CPNE7: variants seen among roughly 807,000 people sequenced by gnomAD.
CPNE7 encodes the protein copine 7.
In CPNE7, 78 loss-of-function variants were observed where a neutral mutation model predicts 66.5. That is an observed-to-expected ratio of 1.17 (90% CI 0.98 to 1.42). CPNE7 has a LOEUF of 1.42. Among genes scored for constraint, CPNE7 ranks in the 40% most tolerant of loss-of-function variants. The pLI, the probability that CPNE7 is intolerant of heterozygous loss-of-function variation, is 0.00. For synonymous variants in CPNE7, 468 were observed against 336.7 expected (o/e 1.39, Z -4.27); for missense variants, 1,012 against 776.6 (o/e 1.30, Z -3.60).
intron 1 of CPNE7, 51 bp downstream of exon 1, chr16:89,576,122 CG>C (rs1271275728): frequency 8.1e-7 from 1 of 1,231,444 alleles, no homozygotes; most frequent in Non-Finnish European, 1.0e-6. Flanking sequence ...GGGCTGGCGC[CG>C]AGCTGGGGAT....
chr16:89,593,985 C>G (rs1489406411), intron 13 of CPNE7: 1 of 152,210 alleles, frequency 6.6e-6, no homozygotes, highest in Non-Finnish European at 1.5e-5. Flanking sequence ...CTGATCACAC[C>G]TAACCACCAC....
At position 89,589,969 on chromosome 16, in the gene CPNE7, C is replaced by T. The variant is rs375895465; in HGVS notation, c.1116+18C>T. The T allele has an allele frequency of 2.3e-4, 363 of 1,613,180 alleles. 1 individual carries two copies. Among genetic ancestry groups the T allele is most frequent in the Non-Finnish European group, 2.9e-4 (341 of 1,179,842 alleles). ...AGTATGAGGTAGGAGAGCCCAGAAC[C>T]TGAGACCTCAGAGCTGTGCCCTTCT... is the stretch of plus-strand genomic sequence containing the variant. On this transcript the variant is annotated intron_variant, in intron 11 of 14. Coordinates refer to ENST00000319518, the MANE Select transcript of CPNE7 (RefSeq NM_153636.3).
At chr16:89,579,988 A>G (rs539654674) in intron 2 of CPNE7, among the ~76,000 whole-genome samples, 1 of 41,958 alleles carries the variant, frequency 2.4e-5, no homozygotes, top group Non-Finnish European at 6.4e-5. Context: ...GGAACATCCC[A>G]TCACACGGAA....
intron 13 of CPNE7, 65 bp downstream of exon 13, chr16:89,591,325 G>A (rs1197910765): frequency 1.4e-6 from 2 of 1,467,866 alleles, no homozygotes; most frequent in African/African-American, 2.8e-5. Context: ...CCAGCGCGTG[G>A]ACGTCAGGGA....
At chr16:89,576,193 T>A in intron 1 of CPNE7, 122 bp downstream of exon 1, 1 of 789,852 alleles carries the variant, frequency 1.3e-6, no homozygotes. Flanking sequence ...CCCCCGGAGC[T>A]GGGGCTCAGC....
intron 2 of CPNE7, chr16:89,579,103 A>G (rs1210588765): frequency 2.9e-6 from 2 of 687,948 alleles, no homozygotes; most frequent in Non-Finnish European, 4.5e-6. Flanking sequence ...AGCCTGGCCA[A>G]CATGATGAAA....
rs749425197 is a variant in CPNE7, at chr16:89,591,024, C to G, written c.1134C>G (p.Ala378=). 4.3e-6 allele frequency: 7 copies of G among 1,613,678 alleles called. No individual in the cohort carries two copies. Among genetic ancestry groups the G allele is most frequent in the Non-Finnish European group, 5.1e-6 (6 of 1,179,880 alleles). ...CCACCCAGGTGTCCCATGACTTTGC[C>G]ATCAATTTCAACCCTGAGGACGATG... ...PPKYEVSHDF[A]INFNPEDDEC... Residue 378 remains alanine, a synonymous_variant, in exon 12 of 15, where the codon GCC becomes GCG. Coordinates refer to ENST00000319518, the MANE Select transcript of CPNE7 (RefSeq NM_153636.3).
At chr16:89,595,631 G>T in intron 14 of CPNE7, 28 bp downstream of exon 14, 1 of 1,570,318 alleles carries the variant, frequency 6.4e-7, no homozygotes, top group Non-Finnish European at 8.7e-7. Context: ...GCTCCGTCAA[G>T]GCCGGCTTGG....
intron 13 of CPNE7, among the ~76,000 whole-genome samples, chr16:89,593,266 AC>A (rs1228109919): frequency 6.6e-6 from 1 of 152,120 alleles, no homozygotes; most frequent in Non-Finnish European, 1.5e-5. Flanking sequence ...CGTGATAAAG[AC>A]TTTGATGCTT....
intron 3 of CPNE7, 25 bp downstream of exon 3, chr16:89,583,796 G>A (rs1292305194): frequency 6.2e-7 from 1 of 1,610,640 alleles, no homozygotes; most frequent in Admixed American, 1.7e-5. Context: ...CACCCCTGCA[G>A]CCTGCAGGCC....
In CPNE7 at chr16:89,575,988, C is replaced by T. The variant is rs1257393966; in HGVS notation, c.91C>T (p.Arg31Trp). ...GAAGGTGGAGCTGCGGCTCAGCTGC[C>T]GGCACCTGCTGGACCGCGACCCGCT... Reference protein sequence around the residue: ...ASKVELRLSCRHLLDRDPLTK... With the variant: ...ASKVELRLSCWHLLDRDPLTK... Residue 31 changes from arginine to tryptophan, a missense_variant, in exon 1 of 15, where the codon CGG becomes TGG. By Grantham distance (101) the Arg-to-Trp change is moderately radical. Coordinates refer to ENST00000319518, the MANE Select transcript of CPNE7 (RefSeq NM_153636.3). The T allele has an allele frequency of 7.3e-7, 1 of 1,378,264 alleles. No homozygotes were observed. Among genetic ancestry groups the T allele is most frequent in the South Asian group, 1.6e-5 (1 of 63,222 alleles). The allele number at this position is 1,378,264 out of a possible 1,614,324, so 85.4% of individuals were successfully genotyped here. A position where few individuals can be genotyped will look rare whatever the true frequency, so the allele number is the denominator to read the frequency against.
chr16:89,581,733 G>A (rs761811980), intron 2 of CPNE7, among the ~76,000 whole-genome samples: 21 of 152,108 alleles, frequency 1.4e-4, no homozygotes, highest in African/African-American at 4.6e-4. Context: ...CAGCCTCAAC[G>A]GCCTGTGCTC....
rs749539380 is a variant in CPNE7, at chr16:89,584,014, C to T, written c.433-14C>T. 5.0e-6 allele frequency: 8 copies of T among 1,611,460 alleles called. No homozygotes were observed. The highest frequency in any genetic ancestry group is 1.7e-5 in the Admixed American group (1 of 59,806). On this transcript the variant is annotated splice_polypyrimidine_tract_variant and intron_variant, in intron 3 of 14. Coordinates refer to ENST00000319518, the MANE Select transcript of CPNE7 (RefSeq NM_153636.3). The surrounding 1 kb of genome is among the most constrained non-coding windows in gnomAD (Gnocchi z 6.0). ...CACCTGGCCAAGCCTGGAGCCCGGG[C>T]GTCCCCCTGCCAGGTGATCGCCGAG...
chr16:89,578,778 AG>A (rs2058900887), intron 2 of CPNE7: 35 of 1,352,000 alleles, frequency 2.6e-5, no homozygotes, highest in South Asian at 1.7e-4. Context: ...AAAAAAAAAA[AG>A]AAGCCTCCTT....
intron 6 of CPNE7, 55 bp from the exon 7 acceptor site, chr16:89,585,631 GT>G (rs2059022969): frequency 1.3e-6 from 2 of 1,550,054 alleles, no homozygotes; most frequent in African/African-American, 2.7e-5. Flanking sequence ...CTGGGCTCGG[GT>G]GGGAGGGTCC....
At position 89,593,553 on chromosome 16, in the gene CPNE7, T is replaced by C. The variant is rs369365345; in HGVS notation, c.1303-1814T>C. ...ATTTTTAGTAGAGACGGGGTTTCAC[T>C]GTGTTAGCCAGGATGGTCTCGATCT... On this transcript the variant is annotated intron_variant, in intron 13 of 14. Coordinates refer to ENST00000319518, the MANE Select transcript of CPNE7 (RefSeq NM_153636.3). Among the ~76,000 whole-genome samples the C allele has an allele frequency of 4.0e-3, 606 of 151,800 alleles. 3 individuals are homozygous for C. Among genetic ancestry groups the C allele is most frequent in the African/African-American group, 0.013 (556 of 41,382 alleles).
In CPNE7 at chr16:89,577,695, G is replaced by A; in HGVS notation, c.331G>A (p.Gly111Arg). 1 of 1,600,080 alleles carries A rather than the reference G, an allele frequency of 6.2e-7. No individual in the cohort carries two copies. Among genetic ancestry groups the A allele is most frequent in the Non-Finnish European group, 8.5e-7 (1 of 1,173,750 alleles). ...GFSCQEDDFLGGMECTLGQIV... is the reference protein window; with the variant it reads ...GFSCQEDDFLRGMECTLGQIV... ...CAGCTGTCAGGAGGACGATTTCCTG[G>A]GGGGCATGGAGTGCACCCTGGGGCA... The change falls in exon 2 of 15, where the codon GGG (glycine) becomes AGG (arginine). Residue 111 changes from glycine (G) to arginine (R), a missense_variant. Gly to Arg is a moderately radical substitution (Grantham distance 125). Transcript: ENST00000319518.
intron 2 of CPNE7, among the ~76,000 whole-genome samples, chr16:89,580,361 CGGAACATCCCATCACCCGTCACAT>C (rs1567952967): frequency 3.3e-5 from 4 of 121,986 alleles, no homozygotes; most frequent in African/African-American, 1.3e-4. Flanking sequence ...ACCCGTCACA[CGGAACATCCCATCACCCGTCACAT>C]GGAACATCCC....
rs1026249204 is a variant in CPNE7, at chr16:89,584,483, C to G, written c.508-291C>G. On this transcript the variant is annotated intron_variant, in intron 4 of 14. Transcript: ENST00000319518. The surrounding 1 kb of genome is among the most constrained non-coding windows in gnomAD (Gnocchi z 6.0). Reference sequence around the variant, plus strand: ...CAGGGTCCAACCCCGCCATGTAGGGCGTCTCCCTGGAGGGGCTGAGTCGCA... The same window carrying G: ...CAGGGTCCAACCCCGCCATGTAGGGGGTCTCCCTGGAGGGGCTGAGTCGCA... 1.3e-5 allele frequency among the ~76,000 whole-genome samples: 2 copies of G among 152,146 alleles called. No individual in the cohort carries two copies. The highest frequency in any genetic ancestry group is 2.9e-5 in the Non-Finnish European group (2 of 68,030).
Sources: gnomAD v4.1 joint callset for allele counts (sites outside exome capture counted in the v4.1 genomes callset) on GRCh38, gnomAD v4.1.1 for gene constraint, Gnocchi (gnomAD v3.1) non-coding constraint, MANE v1.5 for transcripts, NCBI Gene and HGNC (gene_info 2026-07-23, HGNC 2026-07-21) for gene names.